Variants in DLGAP1 observed in about 807,000 individuals in gnomAD.
DLGAP1 encodes the protein DLG associated protein 1.
Under a neutral mutation model 90.8 loss-of-function variants are expected in DLGAP1, and 11 were observed. That is an observed-to-expected ratio of 0.12 (90% CI 0.08 to 0.20). DLGAP1 has a LOEUF of 0.20. Ranked by LOEUF, DLGAP1 falls within the 10% of genes least tolerant of loss-of-function variation. The probability of loss-of-function intolerance (pLI) is 1.00; values close to 1 mark genes in which losing one functional copy is unlikely to be tolerated. For missense variants in DLGAP1, 1,050 were observed against 1,333.8 expected, an observed-to-expected ratio of 0.79 and a Z score of 3.31; for synonymous variants, 558 against 540.7, an observed-to-expected ratio of 1.03 and a Z score of -0.44.
intron 7 of DLGAP1, among the ~76,000 whole-genome samples, chr18:3,617,974 T>C (rs1176135429): frequency 2.0e-5 from 3 of 152,068 alleles, no homozygotes; most frequent in African/African-American, 7.2e-5. Flanking sequence ...GAGGCGGAGG[T>C]TGCTGTGAGC....
intron 1 of DLGAP1, among the ~76,000 whole-genome samples, chr18:4,213,079 G>A (rs2077880389): frequency 6.6e-6 from 1 of 152,080 alleles, no homozygotes; most frequent in African/African-American, 2.4e-5. Context: ...AACAGGTTTT[G>A]GGGATTAAGT....
At chr18:3,600,424 C>T (rs1444753834) in intron 7 of DLGAP1, among the ~76,000 whole-genome samples, 4 of 151,728 alleles carry the variant, frequency 2.6e-5, no homozygotes, top group African/African-American at 7.3e-5. Flanking sequence ...TTAGTAGAGA[C>T]GGGGTTTCAC....
intron 4 of DLGAP1, among the ~76,000 whole-genome samples, chr18:3,859,752 G>A (rs147632984): frequency 6.6e-6 from 1 of 152,244 alleles, no homozygotes; most frequent in African/African-American, 2.4e-5. Flanking sequence ...TGTTTTGATT[G>A]TAGCTCATTG....
chr18:3,882,715 C>T (rs1234873182), intron 3 of DLGAP1, among the ~76,000 whole-genome samples: 1 of 152,080 alleles, frequency 6.6e-6, no homozygotes, highest in Non-Finnish European at 1.5e-5. Context: ...GTTTTAGTAA[C>T]TAACAGAGGC....
chr18:3,778,915 C>T (rs9946511), intron 5 of DLGAP1, among the ~76,000 whole-genome samples: 2,430 of 152,220 alleles, frequency 0.016, 70 homozygotes, highest in African/African-American at 0.054. Context: ...TTGTAAGTCA[C>T]GTGGCGTTTA....
intron 1 of DLGAP1, among the ~76,000 whole-genome samples, chr18:4,296,997 C>T (rs9964697): frequency 6.6e-6 from 1 of 151,952 alleles, no homozygotes; most frequent in Non-Finnish European, 1.5e-5. Context: ...TGAACCTGAC[C>T]GGTACTTCAC....
intron 7 of DLGAP1, among the ~76,000 whole-genome samples, chr18:3,679,594 G>A (rs1342651529): frequency 6.7e-6 from 1 of 149,514 alleles, no homozygotes; most frequent in Non-Finnish European, 1.5e-5. Context: ...GCAATAGAGA[G>A]TATATGGGCT....
At chr18:4,285,461 G>A (rs1202965237) in intron 1 of DLGAP1, among the ~76,000 whole-genome samples, 2 of 152,136 alleles carry the variant, frequency 1.3e-5, no homozygotes, top group Admixed American at 6.5e-5. Flanking sequence ...GAATGTTCAA[G>A]AACATATAGG....
chr18:4,240,687 T>C (rs2078515974), intron 1 of DLGAP1, among the ~76,000 whole-genome samples: 1 of 152,206 alleles, frequency 6.6e-6, no homozygotes. Context: ...TTTGGATAAT[T>C]CCAGTTATGA....
At chr18:4,136,509 C>T (rs530717988) in intron 2 of DLGAP1, among the ~76,000 whole-genome samples, 2 of 152,302 alleles carry the variant, frequency 1.3e-5, no homozygotes, top group South Asian at 4.1e-4. Flanking sequence ...AGCACCTTCT[C>T]ATATATCTGT....
intron 5 of DLGAP1, among the ~76,000 whole-genome samples, chr18:3,764,621 T>C (rs2064131442): frequency 6.6e-6 from 1 of 152,182 alleles, no homozygotes; most frequent in African/African-American, 2.4e-5. Context: ...TCCCAAACCA[T>C]CAATTTTAAA....
chr18:4,267,879 T>C (rs569913860), intron 1 of DLGAP1, among the ~76,000 whole-genome samples: 31 of 152,284 alleles, frequency 2.0e-4, no homozygotes, highest in African/African-American at 7.5e-4. Context: ...GAGTGATCCA[T>C]GGGAGTGAGA....
chr18:3,519,102 G>A (rs577882207), intron 10 of DLGAP1, among the ~76,000 whole-genome samples: 74 of 152,102 alleles, frequency 4.9e-4, no homozygotes, highest in Middle Eastern at 3.2e-3. Flanking sequence ...CTGGCTGCTG[G>A]GTGACAGACA....
At chr18:3,814,364 T>A in intron 4 of DLGAP1, 91 bp from the exon 5 acceptor site, 1 of 1,013,740 alleles carries the variant, frequency 9.9e-7, no homozygotes, top group Admixed American at 3.4e-5. Context: ...CATTTCTATT[T>A]TTTTTTTTTT....
chr18:3,521,433 G>A (rs1053179111), intron 10 of DLGAP1, among the ~76,000 whole-genome samples: 2 of 152,096 alleles, frequency 1.3e-5, no homozygotes, highest in Admixed American at 6.6e-5. Flanking sequence ...TGACTCCTTC[G>A]GTGCTCCAAG....
chr18:4,365,483 T>G (rs1415717308), intron 1 of DLGAP1, among the ~76,000 whole-genome samples: 1 of 152,148 alleles, frequency 6.6e-6, no homozygotes, highest in Non-Finnish European at 1.5e-5. Context: ...TAAATTAGAA[T>G]GATGATTATG....
intron 7 of DLGAP1, among the ~76,000 whole-genome samples, chr18:3,651,129 G>A (rs1019334294): frequency 6.6e-6 from 1 of 151,596 alleles, no homozygotes; most frequent in African/African-American, 2.4e-5. Context: ...GGGAGGCTGA[G>A]GTGGGCGGAT....
intron 7 of DLGAP1, among the ~76,000 whole-genome samples, chr18:3,674,312 T>TATATATATATATATAC (rs1491284923): frequency 7.3e-6 from 1 of 137,922 alleles, no homozygotes; most frequent in Non-Finnish European, 1.5e-5. Context: ...TATATATATA[T>TATATATATATATATAC]GTATATTTTA....
intron 1 of DLGAP1, among the ~76,000 whole-genome samples, chr18:4,371,230 T>TATAA (rs1166646377): frequency 6.6e-6 from 1 of 152,168 alleles, no homozygotes; most frequent in Non-Finnish European, 1.5e-5. Context: ...GACAAATGAA[T>TATAA]ATAAATAAAT....
Sources: allele counts gnomAD v4.1 joint callset (sites outside exome capture counted in the v4.1 genomes callset), GRCh38; gene constraint gnomAD v4.1.1; transcripts MANE v1.5; gene names NCBI Gene and HGNC (gene_info 2026-07-23, HGNC 2026-07-21).